The following ZNF667 variants were observed in gnomAD, a reference collection of about 807,000 sequenced individuals.
ZNF667 encodes myocardial ischemic preconditioning upregulated 1 ortholog.
ZNF667 carries 13 observed loss-of-function variants against 31.8 expected under a neutral mutation model. The observed-to-expected ratio is 0.41, with a 90% CI of 0.27 to 0.65. The LOEUF is 0.65. Ranked by LOEUF, ZNF667 falls within the 30% of genes least tolerant of loss-of-function variation. ZNF667 has a pLI of 0.32. For missense variants in ZNF667, 642 were observed against 725.6 expected (o/e 0.88, Z 1.32); for synonymous variants, 228 against 247.1 (o/e 0.92, Z 0.73).
At chr19:56,454,479 G>A (rs1035251341) in intron 6 of ZNF667, among the ~76,000 whole-genome samples, 3 of 151,830 alleles carry the variant, frequency 2.0e-5, no homozygotes, top group African/African-American at 7.3e-5. Context: ...GATAAAAACA[G>A]ACACACAGAC....
intron 4 of ZNF667, among the ~76,000 whole-genome samples, 177 bp from the exon 5 acceptor site, chr19:56,460,992 T>C (rs1391859779): frequency 6.6e-6 from 1 of 152,204 alleles, no homozygotes; most frequent in Non-Finnish European, 1.5e-5. Flanking sequence ...TAAAATACAA[T>C]ATAAGACATA....
chr19:56,461,142 T>C (rs1291436034), intron 4 of ZNF667, among the ~76,000 whole-genome samples: 1 of 152,168 alleles, frequency 6.6e-6, no homozygotes, highest in Non-Finnish European at 1.5e-5. Context: ...AGAGGCACTG[T>C]CAGCGGAATC....
rs2042971667 is a variant in ZNF667, at chr19:56,458,156, A to G, written c.252T>C (p.Pro84=). 2 of 1,613,992 alleles carry G rather than the reference A, an allele frequency of 1.2e-6. No individual in the cohort carries two copies. Among genetic ancestry groups the G allele is most frequent in the Non-Finnish European group, 1.7e-6 (2 of 1,179,934 alleles). Residue 84 remains proline, a splice_region_variant and synonymous_variant, in exon 6 of 7, where the codon CCT becomes CCC. Transcript: ENST00000504904. ...MVEPVRRRRA[P]DSGSKCETKK... ...ATGCCTTGGTTCTCTGTCACTCACC[A>G]GGAGCCCGGCGTCTTCTTACTGGCT...
At chr19:56,453,200 A>T (rs2042869916) in intron 6 of ZNF667, among the ~76,000 whole-genome samples, 1 of 152,202 alleles carries the variant, frequency 6.6e-6, no homozygotes, top group African/African-American at 2.4e-5. Flanking sequence ...GAACAGAGCA[A>T]TAACAAACAA....
At position 56,442,736 on chromosome 19, in the gene ZNF667, C is replaced by T. The variant is rs138160651; in HGVS notation, c.259G>A (p.Gly87Arg). The T allele has an allele frequency of 7.0e-6, 11 of 1,561,050 alleles. No individual in the cohort carries two copies. Among genetic ancestry groups the T allele is most frequent in the African/African-American group, 4.1e-5 (3 of 72,764 alleles). The change falls in exon 7 of 7, where the codon GGG becomes AGG. Residue 87 changes from glycine (G) to arginine (R), a missense_variant. Gly to Arg is a moderately radical substitution (Grantham distance 125, BLOSUM62 -2). Transcript: ENST00000504904. ...PVRRRRAPDS[G>R]SKCETKKLPP... ...AACTTCTTGGTCTCACATTTAGACC[C>T]CGAGTCTGAAAGACATAAAGGAATT...
At chr19:56,462,576 C>T in intron 3 of ZNF667, 147 bp from the exon 4 acceptor site, 5 of 620,354 alleles carry the variant, frequency 8.1e-6, no homozygotes, top group African/African-American at 1.8e-5. Context: ...GCATTCCTGT[C>T]CCCCCTCACC....
chr19:56,440,473 A>T lies in ZNF667; in HGVS notation c.*689T>A. ...CTGAAAGTGGCACCCTGTTTTGCCG[A>T]GAAGTTCCTTATATTTGATAATTCT... is the stretch of plus-strand genomic sequence containing the variant. On this transcript the variant is annotated 3_prime_UTR_variant, in exon 7 of 7. Transcript: ENST00000504904. 2 of 593,780 alleles carry T rather than the reference A, an allele frequency of 3.4e-6. No homozygotes were observed. Among genetic ancestry groups the T allele is most frequent in the Non-Finnish European group, 4.2e-6 (2 of 472,164 alleles). 36.8% of individuals were successfully genotyped at this position (593,780 alleles called of 1,614,324 possible).
Position 56,458,232 on chromosome 19 carries a change from C to T in ZNF667, c.176G>A (p.Arg59Lys). The T allele has an allele frequency of 6.2e-7, 1 of 1,613,998 alleles. No homozygotes were observed. Among genetic ancestry groups the T allele is most frequent in the Non-Finnish European group, 8.5e-7 (1 of 1,179,952 alleles). ...CTCCAATAAGGTGATCACATTTGGT[C>T]TCCGAAAGGAAAGACCTGTACGTGG... ...NLVSLGLSFR[R>K]PNVITLLEKG... The change falls in exon 6 of 7, where the codon AGA (arginine) becomes AAA (lysine). Residue 59 changes from arginine to lysine, a missense_variant. Transcript: ENST00000504904.
At chr19:56,446,305 T>G (rs1282418277) in intron 6 of ZNF667, among the ~76,000 whole-genome samples, 4 of 152,232 alleles carry the variant, frequency 2.6e-5, no homozygotes, top group African/African-American at 9.6e-5. Flanking sequence ...GTGCGAGATT[T>G]CTGGCACATG....
At chr19:56,470,056 G>C in intron 3 of ZNF667, 1 of 456,806 alleles carries the variant, frequency 2.2e-6, no homozygotes, top group Non-Finnish European at 4.4e-6. Context: ...ATGTTCTCAT[G>C]TGTGCAGCTG....
intron 6 of ZNF667, among the ~76,000 whole-genome samples, chr19:56,445,956 A>G (rs1370175675): frequency 6.8e-6 from 1 of 147,602 alleles, no homozygotes; most frequent in African/African-American, 2.5e-5. Flanking sequence ...ATCCACCCCC[A>G]TGATCCAATC....
chr19:56,477,805 C>G (rs912230807), upstream of ZNF667: 2 of 152,386 alleles, frequency 1.3e-5, no homozygotes, highest in African/African-American at 2.4e-5. Flanking sequence ...GGTTTGGAGC[C>G]GGCCTCACCC....
chr19:56,468,888 G>C (rs1461700989), intron 3 of ZNF667: 1 of 152,252 alleles, frequency 6.6e-6, no homozygotes, highest in African/African-American at 2.4e-5. Flanking sequence ...TGGCCTTGAA[G>C]ATGAAGGAGC....
At chr19:56,452,789 G>A (rs930784932) in intron 6 of ZNF667, among the ~76,000 whole-genome samples, 15 of 151,800 alleles carry the variant, frequency 9.9e-5, no homozygotes, top group African/African-American at 3.4e-4. Flanking sequence ...GCGTGGTGGC[G>A]GACGCTTGTA....
At chr19:56,447,198 T>TA (rs891540359) in intron 6 of ZNF667, among the ~76,000 whole-genome samples, 2 of 151,600 alleles carry the variant, frequency 1.3e-5, no homozygotes, top group African/African-American at 4.8e-5. Flanking sequence ...GTAAATAAAA[T>TA]AAAAAGACTT....
At chr19:56,442,962 A>C (rs1164564053) in intron 6 of ZNF667, among the ~76,000 whole-genome samples, 2 of 152,080 alleles carry the variant, frequency 1.3e-5, no homozygotes, top group African/African-American at 4.8e-5. Flanking sequence ...AATGAATAAG[A>C]TTTTATTTAT....
Position 56,460,686 on chromosome 19 carries a change from T to C in ZNF667, c.160+3A>G, listed in dbSNP as rs1441638016. 6.2e-7 allele frequency: 1 copy of C among 1,611,236 alleles called. No homozygotes were observed. Among genetic ancestry groups the C allele is most frequent in the African/African-American group, 1.3e-5 (1 of 74,820 alleles). On this transcript the variant is annotated splice_donor_region_variant and intron_variant, in intron 5 of 6. Coordinates refer to ENST00000504904, the MANE Select transcript of ZNF667 (RefSeq NM_001321356.2). ...CTGGATTGTGGGGGACGAAGAGCCT[T>C]ACCAAGCGAGACCAGGTTCCGGTAA...
intron 3 of ZNF667, among the ~76,000 whole-genome samples, chr19:56,466,828 G>A (rs940905456): frequency 6.6e-6 from 1 of 152,190 alleles, no homozygotes; most frequent in Non-Finnish European, 1.5e-5. Context: ...GTCATTGATA[G>A]CACAAACAGC....
intron 5 of ZNF667, among the ~76,000 whole-genome samples, chr19:56,460,296 A>C (rs1322384535): frequency 6.6e-6 from 1 of 152,218 alleles, no homozygotes; most frequent in Non-Finnish European, 1.5e-5. Flanking sequence ...AACATTAGAA[A>C]TCAAAGAAGC....
Sources: allele counts gnomAD v4.1 joint callset (sites outside exome capture counted in the v4.1 genomes callset), GRCh38; gene constraint gnomAD v4.1.1; transcripts MANE v1.5; gene names NCBI Gene and HGNC (gene_info 2026-07-23, HGNC 2026-07-21).